The following CNTN6 variants were observed in gnomAD, a reference collection of about 807,000 sequenced individuals.
CNTN6 encodes the protein contactin 6, also known as contactin-6.
In CNTN6, 137 loss-of-function variants were observed where a neutral mutation model predicts 122.8. The ratio of observed to expected loss-of-function variants is 1.12; its 90% confidence interval spans 0.97 to 1.29. The LOEUF (loss-of-function observed/expected upper bound fraction) is 1.29, where lower values mean the gene tolerates loss of function less well. Ranked by LOEUF, CNTN6 falls within the 50% of genes most tolerant of loss-of-function variation. CNTN6 has a pLI of 0.00. For missense variants in CNTN6, 1,634 were observed against 1,223.4 expected (o/e 1.34, Z -5.01); for synonymous variants, 570 against 426.0 (o/e 1.34, Z -4.16).
In CNTN6 at chr3:1,294,919, C is replaced by T. The variant is rs535202765; in HGVS notation, c.455-682C>T. Among the ~76,000 whole-genome samples the T allele has an allele frequency of 3.7e-4, 56 of 152,142 alleles. No individual in the cohort carries two copies. The South Asian group carries it at 1.0e-2, about 27-fold the overall frequency. On this transcript the variant is annotated intron_variant, in intron 5 of 22. Coordinates refer to ENST00000446702, the MANE Select transcript of CNTN6 (RefSeq NM_001289080.2). ...AGGGCACAGGTTTTGTTTGGTTTTA[C>T]ACTAAGACCTAAAACTGTCACAGAA...
At chr3:1,231,272 G>A (rs2094349561) in intron 4 of CNTN6, among the ~76,000 whole-genome samples, 1 of 152,282 alleles carries the variant, frequency 6.6e-6, no homozygotes, top group African/African-American at 2.4e-5. Context: ...CCACTCCCAT[G>A]AACTCCCATA....
intron 12 of CNTN6, among the ~76,000 whole-genome samples, chr3:1,365,074 A>G (rs1226590103): frequency 1.3e-5 from 2 of 152,110 alleles, no homozygotes; most frequent in Non-Finnish European, 2.9e-5. Flanking sequence ...ACTCTCCCCC[A>G]ACATGTTCTT....
At chr3:1,354,151 T>A (rs550150870) in intron 12 of CNTN6, among the ~76,000 whole-genome samples, 1 of 151,598 alleles carries the variant, frequency 6.6e-6, no homozygotes, top group East Asian at 1.9e-4. Context: ...AAATACTAAC[T>A]GAGAAACTCG....
rs1036102507 is a variant in CNTN6 at position 1,102,724 on chromosome 3, T to C, written c.-83+9604T>C. On this transcript the variant is annotated intron_variant, in intron 1 of 22. Coordinates refer to ENST00000446702, the MANE Select transcript of CNTN6 (RefSeq NM_001289080.2). ...GCCTGGGCGACAGGGCGAGACTCCG[T>C]CTCAAAAAATAAATAAATACATAAA... Among the ~76,000 whole-genome samples, 4 of 149,106 alleles carry C rather than the reference T, an allele frequency of 2.7e-5. No homozygotes were observed. In the South Asian group the frequency reaches 8.6e-4, roughly 32 times the overall value.
chr3:1,348,943 A>G (rs1287403092), intron 11 of CNTN6, among the ~76,000 whole-genome samples: 1 of 152,072 alleles, frequency 6.6e-6, no homozygotes, highest in Admixed American at 6.6e-5. Context: ...ATAAATTTAT[A>G]ACAATGAGTT....
At chr3:1,267,072 C>T (rs936640034) in intron 4 of CNTN6, among the ~76,000 whole-genome samples, 5 of 151,386 alleles carry the variant, frequency 3.3e-5, no homozygotes, top group South Asian at 2.1e-4. Flanking sequence ...CACACTGCCA[C>T]GCCCCACTAA....
In CNTN6 at chr3:1,352,413, T is replaced by G. The variant is rs773538420; in HGVS notation, c.1454T>G (p.Phe485Cys). The G allele has an allele frequency of 1.9e-6, 3 of 1,609,644 alleles. No individual in the cohort carries two copies. Among genetic ancestry groups the G allele is most frequent in the African/African-American group, 2.7e-5 (2 of 74,628 alleles). ...GSYTCIATNQFGTAKNTGSLI... is the reference protein window; with the variant it reads ...GSYTCIATNQCGTAKNTGSLI... ...TATACATGCATAGCCACAAATCAGTTTGGCACTGCAAAGAACACTGGCAGC... is the reference window on the plus strand; with the variant it reads ...TATACATGCATAGCCACAAATCAGTGTGGCACTGCAAAGAACACTGGCAGC... The change falls in exon 12 of 23, where the codon TTT becomes TGT. Residue 485 changes from phenylalanine to cysteine, a missense_variant. By Grantham distance (205) the Phe-to-Cys change is radical (BLOSUM62 -2). Transcript: ENST00000446702.
Position 1,295,662 on chromosome 3 carries a change from A to G in CNTN6, c.516A>G (p.Arg172=). 1.2e-6 allele frequency: 2 copies of G among 1,614,012 alleles called. No individual in the cohort carries two copies. Among genetic ancestry groups the G allele is most frequent in the Non-Finnish European group, 1.7e-6 (2 of 1,179,948 alleles). Residue 172 remains arginine (R), a synonymous_variant, in exon 6 of 23, where the codon CGA becomes CGG. Transcript: ENST00000446702. ...NPLYVQEDNR[R]FVSQETGNLY... ...TATACGTCCAAGAGGACAATAGGCG[A>G]TTTGTATCTCAAGAGACGGGAAACT...
At chr3:1,195,471 T>TA (rs2093763006) in intron 2 of CNTN6, among the ~76,000 whole-genome samples, 1 of 152,198 alleles carries the variant, frequency 6.6e-6, no homozygotes. Context: ...AGATATTTGT[T>TA]AGAGTTTTGA....
intron 4 of CNTN6, among the ~76,000 whole-genome samples, chr3:1,272,726 C>A (rs1011103660): frequency 6.6e-6 from 1 of 151,494 alleles, no homozygotes; most frequent in African/African-American, 2.4e-5. Context: ...AAACCACTGG[C>A]CTCCTTCTGT....
chr3:1,172,620 C>CTGTGTGTGTGTGTGTGTGTGTGTG (rs3836248), intron 2 of CNTN6, among the ~76,000 whole-genome samples: 1 of 150,180 alleles, frequency 6.7e-6, no homozygotes, highest in African/African-American at 2.4e-5. Flanking sequence ...CAATAACTCT[C>CTGTGTGTGTGTGTGTGTGTGTGTG]TGTGTGTGTG....
chr3:1,376,656 T>A (rs1344549248), intron 16 of CNTN6, among the ~76,000 whole-genome samples: 6 of 152,176 alleles, frequency 3.9e-5, no homozygotes, highest in Non-Finnish European at 1.5e-5. Context: ...AGTAACTTGT[T>A]TACAGCTCAA....
chr3:1,140,062 T>A (rs1432213328), intron 1 of CNTN6, among the ~76,000 whole-genome samples: 1 of 152,224 alleles, frequency 6.6e-6, no homozygotes, highest in East Asian at 1.9e-4. Context: ...TGAGAAAGTA[T>A]TACAACTATG....
At chr3:1,285,605 G>A (rs1047885436) in intron 5 of CNTN6, among the ~76,000 whole-genome samples, 4 of 152,150 alleles carry the variant, frequency 2.6e-5, no homozygotes, top group African/African-American at 9.7e-5. Context: ...AACATTTTCC[G>A]GGAAGATATC....
At chr3:1,329,732 C>A in intron 10 of CNTN6, 53 bp from the exon 11 acceptor site, 2 of 1,482,788 alleles carry the variant, frequency 1.3e-6, no homozygotes, top group South Asian at 2.5e-5. Context: ...CCCCTGGAGT[C>A]ACTACATGTT....
intron 17 of CNTN6, among the ~76,000 whole-genome samples, chr3:1,381,389 A>AGACT (rs1429935495): frequency 6.6e-6 from 1 of 152,170 alleles, no homozygotes; most frequent in African/African-American, 2.4e-5. Context: ...TGTATTTGTT[A>AGACT]GACTGTTCCA....
chr3:1,245,231 TATATACACACACACATATATATATAA>T, intron 4 of CNTN6, among the ~76,000 whole-genome samples: 1 of 10,234 alleles, frequency 9.8e-5, no homozygotes, highest in African/African-American at 4.2e-4. Flanking sequence ...TATATATATA[TATATACACACACACATATATATATAA>T]CATATATATA....
intron 2 of CNTN6, among the ~76,000 whole-genome samples, chr3:1,173,761 G>GTAT (rs2093401044): frequency 6.9e-6 from 1 of 145,294 alleles, no homozygotes; most frequent in Non-Finnish European, 1.5e-5. Flanking sequence ...CCTGTTTCCT[G>GTAT]TATTTTCCTT....
chr3:1,273,379 C>T (rs774828508), intron 4 of CNTN6, among the ~76,000 whole-genome samples: 12 of 152,196 alleles, frequency 7.9e-5, no homozygotes, highest in Non-Finnish European at 1.3e-4. Context: ...TCTGGCCTCT[C>T]CTTGTAGAAG....
Sources: gnomAD v4.1 joint callset for allele counts (sites outside exome capture counted in the v4.1 genomes callset) on GRCh38, gnomAD v4.1.1 for gene constraint, MANE v1.5 for transcripts, NCBI Gene and HGNC (gene_info 2026-07-23, HGNC 2026-07-21) for gene names.